Variants in CNGA3 observed in about 807,000 individuals in gnomAD.
CNGA3 encodes the protein cyclic nucleotide-gated channel alpha-3.
A neutral mutation model predicts 46.6 loss-of-function variants in CNGA3; 42 were observed. The observed-to-expected ratio is 0.90, with a 90% CI of 0.70 to 1.17. CNGA3 has a LOEUF of 1.17. CNGA3 is among the 50% of genes most tolerant of loss of function. CNGA3 has a pLI of 0.00. For missense variants in CNGA3, 893 were observed against 890.7 expected, an observed-to-expected ratio of 1.00 and a Z score of -0.03; for synonymous variants, 394 against 369.4, an observed-to-expected ratio of 1.07 and a Z score of -0.76.
chr2:98,354,345 T>C lies in CNGA3; in HGVS notation c.-38+7811T>C, dbSNP rs573683242. ...TGTGCTTTTGATTTGTATTTCCTCA[T>C]GACTAAATACGTGGAGAATGTTAGC... On this transcript the variant is annotated intron_variant, in intron 1 of 7. Transcript: ENST00000272602. 2.0e-5 allele frequency among the ~76,000 whole-genome samples: 3 copies of C among 152,360 alleles called. No homozygotes were observed. In the South Asian group the frequency reaches 6.2e-4, roughly 32 times the overall value.
intron 4 of CNGA3, among the ~76,000 whole-genome samples, chr2:98,380,599 A>T (rs1692515864): frequency 6.6e-6 from 1 of 151,900 alleles, no homozygotes; most frequent in East Asian, 1.9e-4. Context: ...TCATTTGACC[A>T]CTCACCTTAT....
In CNGA3 at chr2:98,385,329, AGGAGGGGT is replaced by A. The variant is rs543006389; in HGVS notation, c.449+1889_449+1896del. Among the ~76,000 whole-genome samples the A allele has an allele frequency of 1.2e-4, 18 of 152,374 alleles. No homozygotes were observed. The East Asian group carries it at 3.5e-3, about 29-fold the overall frequency. On this transcript the variant is annotated intron_variant, in intron 5 of 7. Transcript: ENST00000272602. Reference sequence around the variant, plus strand: ...GGGTTCACATCACCCTGGAGGACAGAGGAGGGGTAACTTTCCTTGCTCTTTTCATTTAA... The same window carrying A: ...GGGTTCACATCACCCTGGAGGACAGAAACTTTCCTTGCTCTTTTCATTTAA...
intron 6 of CNGA3, among the ~76,000 whole-genome samples, chr2:98,390,763 G>A (rs936517778): frequency 6.6e-6 from 1 of 152,076 alleles, no homozygotes; most frequent in Admixed American, 6.5e-5. Flanking sequence ...GGGTTTGGGG[G>A]CCCTTCCCAG....
intron 1 of CNGA3, among the ~76,000 whole-genome samples, chr2:98,357,627 T>A (rs529932105): frequency 8.5e-5 from 13 of 152,264 alleles, no homozygotes; most frequent in Middle Eastern, 3.4e-3. Context: ...GCCTGGGACA[T>A]CATTGGCAAG....
rs77462028 is a variant in CNGA3, at chr2:98,350,277, G to T, written c.-38+3743G>T. Reference sequence around the variant, plus strand: ...CGAGTTGTTGTGGGGATTAAATGAAGTAATTGAAATGAAATCCTCAGCTCA... The same window carrying T: ...CGAGTTGTTGTGGGGATTAAATGAATTAATTGAAATGAAATCCTCAGCTCA... On this transcript the variant is annotated intron_variant, in intron 1 of 7. Transcript: ENST00000272602. Among the ~76,000 whole-genome samples, 527 of 152,278 alleles carry T rather than the reference G, an allele frequency of 3.5e-3. 3 individuals are homozygous for T. Among genetic ancestry groups the T allele is most frequent in the African/African-American group, 0.012 (512 of 41,548 alleles).
intron 1 of CNGA3, among the ~76,000 whole-genome samples, chr2:98,353,364 C>G (rs1020781450): frequency 2.6e-5 from 4 of 152,238 alleles, no homozygotes; most frequent in Admixed American, 2.6e-4. Flanking sequence ...TTTATTTCCT[C>G]CACCTAGGTT....
chr2:98,379,232 C>T (rs1692483004), intron 3 of CNGA3, among the ~76,000 whole-genome samples: 1 of 152,242 alleles, frequency 6.6e-6, no homozygotes, highest in African/African-American at 2.4e-5. Context: ...CAATGTATTG[C>T]CTTAGGCTAA....
chr2:98,395,851 C>A lies in CNGA3; in HGVS notation c.681C>A (p.Leu227=). 1 of 1,614,118 alleles carries A rather than the reference C, an allele frequency of 6.2e-7. No individual in the cohort carries two copies. The highest frequency in any genetic ancestry group is 8.5e-7 in the Non-Finnish European group (1 of 1,180,010). The change falls in exon 8 of 8, where the codon CTC becomes CTA. Residue 227 remains leucine, a synonymous_variant. Transcript: ENST00000272602. ...DVLVRARTGF[L]EQGLMVSDTN... ...CTCCATCTTCTTCTTTAGGTTTTCT[C>A]GAGCAAGGCTTAATGGTCAGTGATA...
At chr2:98,391,825 C>T in intron 6 of CNGA3, 39 bp from the exon 7 acceptor site, 2 of 1,602,096 alleles carry the variant, frequency 1.2e-6, no homozygotes, top group Non-Finnish European at 1.7e-6. Flanking sequence ...GCTCCAGAAA[C>T]ACACGCACAG....
In CNGA3 at chr2:98,362,390, A is replaced by T. The variant is rs545646717; in HGVS notation, c.-37-7549A>T. Among the ~76,000 whole-genome samples the T allele has an allele frequency of 2.6e-5, 4 of 151,456 alleles. No homozygotes were observed. The South Asian group carries it at 8.4e-4, about 32-fold the overall frequency. ...GAGATGGGGTTTCACCATATTGGCC[A>T]GGCTGGTATCGAACTCCTGACCTCA... On this transcript the variant is annotated intron_variant, in intron 1 of 7. Coordinates refer to ENST00000272602, the MANE Select transcript of CNGA3 (RefSeq NM_001298.3).
chr2:98,395,406 G>GTT (rs1692887799), intron 7 of CNGA3, among the ~76,000 whole-genome samples: 1 of 152,108 alleles, frequency 6.6e-6, no homozygotes, highest in Non-Finnish European at 1.5e-5. Context: ...TTGACCTCAG[G>GTT]TGATCCACCC....
At chr2:98,351,376 C>T (rs1211911953) in intron 1 of CNGA3, among the ~76,000 whole-genome samples, 2 of 152,152 alleles carry the variant, frequency 1.3e-5, no homozygotes, top group African/African-American at 4.8e-5. Context: ...CCATGCTGTT[C>T]TCATGATAGT....
intron 2 of CNGA3, among the ~76,000 whole-genome samples, chr2:98,373,500 T>A (rs1040105027): frequency 9.9e-5 from 15 of 152,128 alleles, no homozygotes; most frequent in African/African-American, 3.6e-4. Flanking sequence ...CAAGTCTCTG[T>A]CCCCTGAGAC....
At chr2:98,377,821 C>A in intron 3 of CNGA3, 21 bp downstream of exon 3, 1 of 1,593,028 alleles carries the variant, frequency 6.3e-7, no homozygotes, top group Non-Finnish European at 8.6e-7. Context: ...AGCCTCAGTC[C>A]CTACCTTGGC....
Position 98,396,928 on chromosome 2 carries a change from G to C in CNGA3, c.1758G>C (p.Glu586Asp). ...LFCLSKDDLM[E>D]ALTEYPEAKK... ...GCCTCTCAAAGGACGATCTCATGGAGGCCCTCACCGAGTACCCCGAAGCCA... is the reference window on the plus strand; with the variant it reads ...GCCTCTCAAAGGACGATCTCATGGACGCCCTCACCGAGTACCCCGAAGCCA... Residue 586 changes from glutamate to aspartate, a missense_variant, in exon 8 of 8, where the codon GAG becomes GAC. Physicochemically the swap from Glu to Asp is conservative, Grantham distance 45. Coordinates refer to ENST00000272602, the MANE Select transcript of CNGA3 (RefSeq NM_001298.3). The C allele has an allele frequency of 6.2e-7, 1 of 1,614,152 alleles. No individual in the cohort carries two copies. The highest frequency in any genetic ancestry group is 8.5e-7 in the Non-Finnish European group (1 of 1,180,044).
intron 1 of CNGA3, among the ~76,000 whole-genome samples, chr2:98,354,310 A>C (rs1489806013): frequency 6.6e-6 from 1 of 152,198 alleles, no homozygotes; most frequent in Non-Finnish European, 1.5e-5. Flanking sequence ...GGCCAACTGT[A>C]GTAAGTCATT....
Position 98,396,079 on chromosome 2 carries a change from T to A in CNGA3, c.909T>A (p.Ile303=). ...TRTNYPNMFR[I]GNLVLYILII... ...CCAACTACCCCAATATGTTCAGGAT[T>A]GGGAACTTGGTCTTGTACATTCTCA... The change falls in exon 8 of 8, where the codon ATT becomes ATA. Residue 303 remains isoleucine, a synonymous_variant. Transcript: ENST00000272602. 1 of 1,614,246 alleles carries A rather than the reference T, an allele frequency of 6.2e-7. No individual in the cohort carries two copies. Among genetic ancestry groups the A allele is most frequent in the Non-Finnish European group, 8.5e-7 (1 of 1,180,050 alleles).
At chr2:98,387,003 C>A (rs1179838873) in intron 5 of CNGA3, among the ~76,000 whole-genome samples, 1 of 152,140 alleles carries the variant, frequency 6.6e-6, no homozygotes, top group Non-Finnish European at 1.5e-5. Context: ...TACAGATCTG[C>A]AAGATAATAC....
chr2:98,369,181 G>A (rs1232133526), intron 1 of CNGA3, among the ~76,000 whole-genome samples: 1 of 152,208 alleles, frequency 6.6e-6, no homozygotes, highest in East Asian at 1.9e-4. Context: ...CCTACGCCCA[G>A]GAATGAATAA....
Sources: gnomAD v4.1 joint callset for allele counts (sites outside exome capture counted in the v4.1 genomes callset) on GRCh38, gnomAD v4.1.1 for gene constraint, MANE v1.5 for transcripts, NCBI Gene and HGNC (gene_info 2026-07-23, HGNC 2026-07-21) for gene names.